The following HIBADH variants were observed in gnomAD, a reference collection of about 807,000 sequenced individuals.
The protein encoded by HIBADH is 3-hydroxyisobutyrate dehydrogenase, mitochondrial.
A neutral mutation model predicts 36.1 loss-of-function variants in HIBADH; 25 were observed. The observed-to-expected ratio is 0.69, with a 90% CI of 0.50 to 0.97. The LOEUF (loss-of-function observed/expected upper bound fraction) is 0.97. HIBADH is among the 50% of genes least tolerant of loss of function. The pLI is 0.00. For missense variants in HIBADH, 421 were observed against 418.0 expected (o/e 1.01, Z -0.06); for synonymous variants, 160 against 149.5 (o/e 1.07, Z -0.51).
intron 4 of HIBADH, among the ~76,000 whole-genome samples, chr7:27,612,491 CTTTTTATT>C (rs1354293845): frequency 2.6e-5 from 4 of 151,844 alleles, no homozygotes; most frequent in Admixed American, 2.6e-4. Flanking sequence ...CGCCCAGATA[CTTTTTATT>C]TTTTAGTAGA....
At chr7:27,661,616 G>A (rs1277225852) in intron 1 of HIBADH, among the ~76,000 whole-genome samples, 1 of 151,184 alleles carries the variant, frequency 6.6e-6, no homozygotes, top group Non-Finnish European at 1.5e-5. Flanking sequence ...AAAAGGGCGG[G>A]GGGCCAAGGG....
intron 4 of HIBADH, among the ~76,000 whole-genome samples, chr7:27,606,106 A>AAAACAT (rs397774333): frequency 6.6e-6 from 1 of 151,578 alleles, no homozygotes; most frequent in Non-Finnish European, 1.5e-5. Flanking sequence ...ATCATAAAAC[A>AAAACAT]TTTTTTTCAT....
At chr7:27,571,695 G>A (rs1784631482) in intron 4 of HIBADH, among the ~76,000 whole-genome samples, 1 of 151,820 alleles carries the variant, frequency 6.6e-6, no homozygotes. Context: ...TACATTTATT[G>A]TACTTGATAT....
chr7:27,618,381 T>C (rs937698082), intron 4 of HIBADH, among the ~76,000 whole-genome samples: 1 of 152,224 alleles, frequency 6.6e-6, no homozygotes, highest in African/African-American at 2.4e-5. Context: ...GCAACATGTC[T>C]GGGGCTGTTG....
In HIBADH at chr7:27,605,550, T is replaced by A. The variant is rs576445336; in HGVS notation, c.484+23821A>T. 2.5e-5 allele frequency among the ~76,000 whole-genome samples: 3 copies of A among 120,402 alleles called. No individual in the cohort carries two copies. In the East Asian group the frequency reaches 8.0e-4, roughly 32 times the overall value. The allele number at this position is 120,402 out of a possible 152,430, so 79.0% of individuals were successfully genotyped here. On this transcript the variant is annotated intron_variant, in intron 4 of 7. Transcript: ENST00000265395. Reference sequence around the variant, plus strand: ...GATTTGAAATATTTGTGAGAATTTTTATACGCTGGATTCCCCTCTCCAGTG... The same window carrying A: ...GATTTGAAATATTTGTGAGAATTTTAATACGCTGGATTCCCCTCTCCAGTG...
intron 6 of HIBADH, among the ~76,000 whole-genome samples, chr7:27,538,121 A>G (rs890840189): frequency 1.3e-5 from 2 of 152,248 alleles, no homozygotes; most frequent in Admixed American, 6.5e-5. Flanking sequence ...TCAAATGCAC[A>G]GGCAATACAT....
In HIBADH at chr7:27,527,917, C is replaced by CTTTTTT. The variant is rs1562609863; in HGVS notation, c.853-1546_853-1545insAAAAAA. Among the ~76,000 whole-genome samples the CTTTTTT allele has an allele frequency of 3.2e-3, 245 of 77,008 alleles. 70 individuals are homozygous for CTTTTTT. Among genetic ancestry groups the CTTTTTT allele is most frequent in the Middle Eastern group, 0.015 (2 of 132 alleles). The allele number at this position is 77,008 out of a possible 152,430, so 50.5% of individuals were successfully genotyped here. ...AGGCATTTGCCACCACCACACCCAG[C>CTTTTTT]GTTTTTTTTTTTTTTTTTTTTTTTT... On this transcript the variant is annotated intron_variant, in intron 7 of 7. Coordinates refer to ENST00000265395, the MANE Select transcript of HIBADH (RefSeq NM_152740.4).
Position 27,638,308 on chromosome 7 carries a change from C to CAAAAAAAAAAAAAAA in HIBADH, c.253-5878_253-5864dup, listed in dbSNP as rs368715218. On this transcript the variant is annotated intron_variant, in intron 2 of 7. Transcript: ENST00000265395. ...ATACCCATCTGATCTTTGGCAAAGT[C>CAAAAAAAAAAAAAAA]AAAAAAAAAAAAAAAAAAAAAACAA... Among the ~76,000 whole-genome samples the CAAAAAAAAAAAAAAA allele has an allele frequency of 1.2e-3, 65 of 55,446 alleles. 2 individuals are homozygous for CAAAAAAAAAAAAAAA. Among genetic ancestry groups the CAAAAAAAAAAAAAAA allele is most frequent in the Non-Finnish European group, 1.7e-3 (52 of 30,966 alleles). 36.4% of individuals were successfully genotyped at this position (55,446 alleles called of 152,430 possible). A position where few individuals can be genotyped will look rare whatever the true frequency, so the allele number is the denominator to read the frequency against.
At chr7:27,617,963 G>A (rs555175357) in intron 4 of HIBADH, among the ~76,000 whole-genome samples, 18 of 152,296 alleles carry the variant, frequency 1.2e-4, no homozygotes, top group Non-Finnish European at 2.1e-4. Context: ...GGTGCAGTGC[G>A]CTGAAAGGCA....
intron 2 of HIBADH, chr7:27,649,156 AAACT>A (rs1166860897): frequency 1.0e-4 from 20 of 195,310 alleles, no homozygotes; most frequent in Admixed American, 4.7e-4. Flanking sequence ...TATTTCCACC[AAACT>A]AACTACTTTA....
intron 4 of HIBADH, among the ~76,000 whole-genome samples, chr7:27,574,461 T>C (rs1411742653): frequency 1.3e-5 from 2 of 152,122 alleles, no homozygotes; most frequent in African/African-American, 4.8e-5. Flanking sequence ...TATTAGAAAA[T>C]ATTTTTTCCA....
At chr7:27,605,746 C>T (rs947068851) in intron 4 of HIBADH, among the ~76,000 whole-genome samples, 3 of 151,898 alleles carry the variant, frequency 2.0e-5, no homozygotes, top group Non-Finnish European at 4.4e-5. Flanking sequence ...CTTTTCAATT[C>T]TTTGCAGATA....
intron 4 of HIBADH, among the ~76,000 whole-genome samples, chr7:27,545,396 C>T (rs1851912): frequency 0.65 from 99,263 of 152,088 alleles, 33,330 homozygotes; most frequent in East Asian, 0.94. Flanking sequence ...TGAGATCGCA[C>T]CACTGCACTC....
intron 2 of HIBADH, among the ~76,000 whole-genome samples, chr7:27,637,551 C>T (rs1785862599): frequency 6.6e-6 from 1 of 152,136 alleles, no homozygotes; most frequent in East Asian, 1.9e-4. Flanking sequence ...GGCAAGGATG[C>T]CCTATCTCAT....
chr7:27,570,512 C>T (rs1784613166), intron 4 of HIBADH, among the ~76,000 whole-genome samples: 1 of 152,092 alleles, frequency 6.6e-6, no homozygotes, highest in South Asian at 2.1e-4. Context: ...GAAAGCAAAT[C>T]AGTGTTTACC....
At chr7:27,560,897 G>A (rs1436984391) in intron 4 of HIBADH, among the ~76,000 whole-genome samples, 1 of 152,162 alleles carries the variant, frequency 6.6e-6, no homozygotes, top group Non-Finnish European at 1.5e-5. Context: ...TTCCACAGTG[G>A]TTGCACTATT....
intron 4 of HIBADH, among the ~76,000 whole-genome samples, chr7:27,596,391 T>C (rs192431603): frequency 1.3e-5 from 2 of 152,336 alleles, no homozygotes; most frequent in Admixed American, 6.5e-5. Context: ...GAATTAAGTT[T>C]CTAACACATG....
At chr7:27,549,911 C>T (rs2128185292) in intron 4 of HIBADH, among the ~76,000 whole-genome samples, 1 of 152,102 alleles carries the variant, frequency 6.6e-6, no homozygotes, top group East Asian at 1.9e-4. Context: ...CATTTCTTTT[C>T]TTTTCTTTTC....
intron 4 of HIBADH, among the ~76,000 whole-genome samples, chr7:27,605,718 T>C (rs1785212991): frequency 6.7e-6 from 1 of 150,144 alleles, no homozygotes. Flanking sequence ...TAAAAACAAA[T>C]ATTTAGAGTT....
Sources: allele counts gnomAD v4.1 joint callset (sites outside exome capture counted in the v4.1 genomes callset), GRCh38; gene constraint gnomAD v4.1.1; transcripts MANE v1.5; gene names NCBI Gene and HGNC (gene_info 2026-07-23, HGNC 2026-07-21).